Variants in ZNF423 observed in about 807,000 individuals in gnomAD.
ZNF423 encodes Ebf-associated zinc finger protein.
A neutral mutation model predicts 95.8 loss-of-function variants in ZNF423; 12 were observed. That is an observed-to-expected ratio of 0.13 (90% CI 0.08 to 0.20). The LOEUF (loss-of-function observed/expected upper bound fraction) is 0.20. Among genes scored for constraint, ZNF423 ranks in the 10% least tolerant of loss-of-function variants. The probability of loss-of-function intolerance (pLI) is 1.00; values close to 1 mark genes in which losing one functional copy is unlikely to be tolerated. For synonymous variants in ZNF423, 749 were observed against 711.9 expected (o/e 1.05, Z -0.83); for missense variants, 1,316 against 1,737.1 (o/e 0.76, Z 4.31).
At chr16:49,503,509 A>G (rs1967515906) in intron 7 of ZNF423, among the ~76,000 whole-genome samples, 1 of 151,300 alleles carries the variant, frequency 6.6e-6, no homozygotes, top group African/African-American at 2.4e-5. Context: ...TCCCAGCAGC[A>G]CTCCCGCTAT....
intron 5 of ZNF423, among the ~76,000 whole-genome samples, chr16:49,607,346 A>T (rs533016544): frequency 1.3e-5 from 2 of 152,302 alleles, no homozygotes; most frequent in Admixed American, 6.5e-5. Flanking sequence ...TGGACTGAGG[A>T]CCTCAACTTC....
At chr16:49,575,423 G>A (rs1057121192) in intron 5 of ZNF423, among the ~76,000 whole-genome samples, 5 of 151,980 alleles carry the variant, frequency 3.3e-5, no homozygotes, top group East Asian at 1.9e-4. Flanking sequence ...CCTACTTGCC[G>A]CAGCCCCTTC....
Position 49,804,168 on chromosome 16 carries a change from C to T in ZNF423, c.41-14622G>A, listed in dbSNP as rs185765525. On this transcript the variant is annotated intron_variant, in intron 1 of 7. Coordinates refer to ENST00000563137, the MANE Select transcript of ZNF423 (RefSeq NM_001379286.1). ...TAGGCTGGTCTTGAACTCCTGACCT[C>T]AGGTGATCTGCCCATCTCGGCCTCC... is the stretch of plus-strand genomic sequence containing the variant. Among the ~76,000 whole-genome samples, 467 of 152,200 alleles carry T rather than the reference C, an allele frequency of 3.1e-3. 1 individual carries two copies. Among genetic ancestry groups the T allele is most frequent in the African/African-American group, 9.3e-3 (388 of 41,532 alleles).
intron 3 of ZNF423, among the ~76,000 whole-genome samples, chr16:49,713,837 C>T (rs1257329681): frequency 1.3e-5 from 2 of 152,212 alleles, no homozygotes; most frequent in Non-Finnish European, 2.9e-5. Flanking sequence ...TGATCAGACA[C>T]GCAGGCCCAG....
At chr16:49,595,756 AT>A (rs1971160690) in intron 5 of ZNF423, among the ~76,000 whole-genome samples, 1 of 152,188 alleles carries the variant, frequency 6.6e-6, no homozygotes, top group African/African-American at 2.4e-5. Context: ...CCTCTATAGT[AT>A]TTTGTCAATA....
intron 7 of ZNF423, among the ~76,000 whole-genome samples, chr16:49,505,764 T>C (rs1967610644): frequency 6.6e-6 from 1 of 152,150 alleles, no homozygotes; most frequent in African/African-American, 2.4e-5. Flanking sequence ...AAGGCAGGGC[T>C]CCATGGGCTG....
intron 2 of ZNF423, among the ~76,000 whole-genome samples, chr16:49,769,185 A>C (rs1324964939): frequency 6.6e-6 from 1 of 152,026 alleles, no homozygotes; most frequent in Non-Finnish European, 1.5e-5. Context: ...GCAAAACCCC[A>C]TCTCTACTAA....
intron 1 of ZNF423, among the ~76,000 whole-genome samples, chr16:49,851,633 G>A (rs2035303167): frequency 6.6e-6 from 1 of 152,184 alleles, no homozygotes; most frequent in African/African-American, 2.4e-5. Context: ...AGGGCTGGCT[G>A]CTTCTTCTGA....
intron 5 of ZNF423, among the ~76,000 whole-genome samples, chr16:49,533,326 CT>C (rs1968929065): frequency 6.6e-6 from 1 of 152,216 alleles, no homozygotes; most frequent in Admixed American, 6.5e-5. Context: ...GCCTTCCTTC[CT>C]GGTCCCACAC....
At chr16:49,713,742 G>A (rs554708937) in intron 3 of ZNF423, among the ~76,000 whole-genome samples, 136 of 152,320 alleles carry the variant, frequency 8.9e-4, no homozygotes, top group Middle Eastern at 6.8e-3. Context: ...TGTCTGCAAG[G>A]TGTTTGTTGA....
intron 7 of ZNF423, among the ~76,000 whole-genome samples, chr16:49,495,538 G>A (rs149572253): frequency 6.8e-4 from 103 of 152,304 alleles, no homozygotes; most frequent in African/African-American, 2.3e-3. Context: ...TCATTCATTC[G>A]TCTTTGAGCC....
At chr16:49,653,368 C>T (rs1973489942) in intron 3 of ZNF423, among the ~76,000 whole-genome samples, 1 of 151,186 alleles carries the variant, frequency 6.6e-6, no homozygotes, top group African/African-American at 2.4e-5. Flanking sequence ...CACACACATC[C>T]TCCAGCCGCC....
chr16:49,603,611 T>A lies in ZNF423; in HGVS notation c.3601+22559A>T, dbSNP rs1346303621. Among the ~76,000 whole-genome samples the A allele has an allele frequency of 6.6e-6, 1 of 152,214 alleles. No individual in the cohort carries two copies. Among genetic ancestry groups the A allele is most frequent in the Non-Finnish European group, 1.5e-5 (1 of 68,038 alleles). ...TTTTAGTAGAGACGCGGTTTCACCA[T>A]GTTGGCCAGGCTGGTCTCGAACTCC... On this transcript the variant is annotated intron_variant, in intron 5 of 7. Coordinates refer to ENST00000563137, the MANE Select transcript of ZNF423 (RefSeq NM_001379286.1). The surrounding 1 kb of genome is among the most constrained non-coding windows in gnomAD (Gnocchi z 4.1).
At chr16:49,512,329 A>C (rs935338038) in intron 7 of ZNF423, among the ~76,000 whole-genome samples, 1 of 152,258 alleles carries the variant, frequency 6.6e-6, no homozygotes, top group Admixed American at 6.5e-5. Flanking sequence ...ACTAGGGCTC[A>C]CCAACCTTTG....
At chr16:49,512,404 A>T (rs1195964698) in intron 7 of ZNF423, among the ~76,000 whole-genome samples, 1 of 152,220 alleles carries the variant, frequency 6.6e-6, no homozygotes. Context: ...CCCCAGTACC[A>T]AACAAAGAAG....
intron 5 of ZNF423, among the ~76,000 whole-genome samples, chr16:49,576,149 G>T (rs1488143268): frequency 6.6e-6 from 1 of 152,192 alleles, no homozygotes; most frequent in Non-Finnish European, 1.5e-5. Context: ...GGAGGAAATT[G>T]CCAGAACCAG....
Position 49,638,218 on chromosome 16 carries a change from C to A in ZNF423, c.958G>T (p.Ala320Ser). The change falls in exon 4 of 8, where the codon GCC becomes TCC. Residue 320 changes from alanine to serine, a missense_variant. Coordinates refer to ENST00000563137, the MANE Select transcript of ZNF423 (RefSeq NM_001379286.1). The surrounding 1 kb of genome is among the most constrained non-coding windows in gnomAD (Gnocchi z 5.6). ...TTGGCGTGGGCTTGGTGGATATGGG[C>A]GAGCAGTGTGTTCTCGTCGACGAAG... Reference protein sequence around the residue: ...EVFVDENTLLAHIHQAHANQK... With the variant: ...EVFVDENTLLSHIHQAHANQK... The A allele has an allele frequency of 1.2e-6, 2 of 1,608,502 alleles. No homozygotes were observed. The highest frequency in any genetic ancestry group is 1.7e-5 in the Admixed American group (1 of 60,028).
chr16:49,488,468 G>A lies in ZNF423; in HGVS notation c.*2807C>T, dbSNP rs1342655310. The stretch of plus-strand genomic sequence containing the variant: ...TTGTACATCTAAATACAGCAGCAAT[G>A]AACCTTAGGCTTTCAGTCACCTCGC... On this transcript the variant is annotated 3_prime_UTR_variant, in exon 8 of 8. Transcript: ENST00000563137. 1 of 152,218 alleles carries A rather than the reference G, an allele frequency of 6.6e-6. No individual in the cohort carries two copies. Among genetic ancestry groups the A allele is most frequent in the Admixed American group, 6.5e-5 (1 of 15,286 alleles). The allele number at this position is 152,218 out of a possible 1,614,324, so 9.4% of individuals were successfully genotyped here. A position where few individuals can be genotyped will look rare whatever the true frequency, so the allele number is the denominator to read the frequency against.
chr16:49,765,226 G>A (rs1161859555), intron 2 of ZNF423, among the ~76,000 whole-genome samples: 1 of 152,142 alleles, frequency 6.6e-6, no homozygotes, highest in African/African-American at 2.4e-5. Context: ...GTGTTTGCCA[G>A]GGCCTGGGAA....
Sources: gnomAD v4.1 joint callset for allele counts (sites outside exome capture counted in the v4.1 genomes callset) on GRCh38, gnomAD v4.1.1 for gene constraint, Gnocchi (gnomAD v3.1) non-coding constraint, MANE v1.5 for transcripts, NCBI Gene and HGNC (gene_info 2026-07-23, HGNC 2026-07-21) for gene names.